PPP1R3G: variants seen among roughly 807,000 people sequenced by gnomAD.
The protein encoded by PPP1R3G is protein phosphatase 1, regulatory (inhibitor) subunit 3G.
Under a neutral mutation model 2.0 loss-of-function variants are expected in PPP1R3G, and 3 were observed. The ratio of observed to expected loss-of-function variants is 1.47; its 90% CI spans 0.67 to 3.81. PPP1R3G has a LOEUF of 3.81. PPP1R3G is among the 30% of genes most tolerant of loss of function. The pLI is 0.02. For missense variants in PPP1R3G, 595 were observed against 517.0 expected (o/e 1.15, Z -1.46); for synonymous variants, 267 against 250.9 (o/e 1.06, Z -0.61).
Position 5,086,681 on chromosome 6 carries a change from G to C in PPP1R3G, c.*119G>C, listed in dbSNP as rs1762042940. The stretch of plus-strand genomic sequence containing the variant: ...GCGTGGCGAGTCTGGCGTGAGGGGC[G>C]CGTGGAGGGAAAGGAGGGAGACTTT... On this transcript the variant is annotated 3_prime_UTR_variant, in exon 1 of 1. Coordinates refer to ENST00000405617, the MANE Select transcript of PPP1R3G (RefSeq NM_001145115.3). The C allele has an allele frequency of 3.6e-6, 3 of 824,492 alleles. No individual in the cohort carries two copies. Among genetic ancestry groups the C allele is most frequent in the Non-Finnish European group, 5.5e-6 (3 of 542,036 alleles). 51.1% of individuals were successfully genotyped at this position (824,492 alleles called of 1,614,324 possible). A position where few individuals can be genotyped will look rare whatever the true frequency, so the allele number is the denominator to read the frequency against.
rs979606514 is a variant in PPP1R3G at position 5,088,013 on chromosome 6, T to C, written c.*1451T>C. 6.6e-6 allele frequency: 1 copy of C among 152,194 alleles called. No individual in the cohort carries two copies. The highest frequency in any genetic ancestry group is 2.4e-5 in the African/African-American group (1 of 41,438). The allele number at this position is 152,194 out of a possible 1,614,324, so 9.4% of individuals were successfully genotyped here. A position where few individuals can be genotyped will look rare whatever the true frequency, so the allele number is the denominator to read the frequency against. ...GCTGGGCATACGTACATTTGGCCCA[T>C]GGGCCAAATTTGGCACACAGCTTAT... On this transcript the variant is annotated 3_prime_UTR_variant, in exon 1 of 1. Transcript: ENST00000405617.
rs1326896385 is a variant in PPP1R3G at position 5,087,179 on chromosome 6, T to C, written c.*617T>C. 6.6e-6 allele frequency: 1 copy of C among 152,220 alleles called. No individual in the cohort carries two copies. The highest frequency in any genetic ancestry group is 1.5e-5 in the Non-Finnish European group (1 of 68,114). 9.4% of individuals were successfully genotyped at this position (152,220 alleles called of 1,614,324 possible). A position where few individuals can be genotyped will look rare whatever the true frequency, so the allele number is the denominator to read the frequency against. On this transcript the variant is annotated 3_prime_UTR_variant, in exon 1 of 1. Transcript: ENST00000405617. ...TGACGTTGTTTATTGTGCGACATTG[T>C]GTACAAATGTCCTTTATAAAAGTAA...
chr6:5,086,310 GCAGC>G lies in PPP1R3G; in HGVS notation c.829_832del (p.Pro277ArgfsTer94). ...TGCAGCCCGAGCCGCTGGAGCCACAGCAGCCAGAGGCACCGTCTGGGGCCTCCGA... is the reference window on the plus strand; with the variant it reads ...TGCAGCCCGAGCCGCTGGAGCCACAGCAGAGGCACCGTCTGGGGCCTCCGA... On this transcript the variant is annotated frameshift_variant, in exon 1 of 1. Coordinates refer to ENST00000405617, the MANE Select transcript of PPP1R3G (RefSeq NM_001145115.3). LOFTEE classifies it low-confidence loss of function (END_TRUNC). 6.5e-7 allele frequency: 1 copy of G among 1,535,716 alleles called. No individual in the cohort carries two copies. The highest frequency in any genetic ancestry group is 8.7e-7 in the Non-Finnish European group (1 of 1,146,726).
chr6:5,086,329 G>C lies in PPP1R3G; in HGVS notation c.844G>C (p.Gly282Arg). The change falls in exon 1 of 1, where the codon GGG becomes CGG. Residue 282 changes from glycine to arginine, a missense_variant. Transcript: ENST00000405617. ...LEPQQPEAPS[G>R]ASEPGSGDAK... ...GCCACAGCAGCCAGAGGCACCGTCT[G>C]GGGCCTCCGAGCCAGGGTCCGGGGA... 1 of 1,535,630 alleles carries C rather than the reference G, an allele frequency of 6.5e-7. No individual in the cohort carries two copies. Among genetic ancestry groups the C allele is most frequent in the Non-Finnish European group, 8.7e-7 (1 of 1,146,576 alleles).
In PPP1R3G at chr6:5,085,687, C is replaced by A; in HGVS notation, c.202C>A (p.Gln68Lys). 1.3e-6 allele frequency: 2 copies of A among 1,548,132 alleles called. No homozygotes were observed. Among genetic ancestry groups the A allele is most frequent in the South Asian group, 1.2e-5 (1 of 83,946 alleles). ...PLSPKEEAAP[Q>K]EQEELLECRR... ...GTCCCCGAAGGAAGAGGCCGCCCCCCAGGAGCAGGAGGAGCTGCTGGAATG... is the reference window on the plus strand; with the variant it reads ...GTCCCCGAAGGAAGAGGCCGCCCCCAAGGAGCAGGAGGAGCTGCTGGAATG... The change falls in exon 1 of 1, where the codon CAG becomes AAG. Residue 68 changes from glutamine (Q) to lysine (K), a missense_variant. By Grantham distance (53) the Gln-to-Lys change is moderately conservative. Coordinates refer to ENST00000405617, the MANE Select transcript of PPP1R3G (RefSeq NM_001145115.3).
Position 5,086,349 on chromosome 6 carries a change from C to T in PPP1R3G, c.864C>T (p.Ser288=), listed in dbSNP as rs1376370696. The change falls in exon 1 of 1, where the codon TCC becomes TCT. Residue 288 remains serine, a synonymous_variant. Coordinates refer to ENST00000405617, the MANE Select transcript of PPP1R3G (RefSeq NM_001145115.3). Reference sequence around the variant, plus strand: ...CGTCTGGGGCCTCCGAGCCAGGGTCCGGGGATGCCAAGAAAGAGCCAGGCG... The same window carrying T: ...CGTCTGGGGCCTCCGAGCCAGGGTCTGGGGATGCCAAGAAAGAGCCAGGCG... ...EAPSGASEPG[S]GDAKKEPGAE... is the part of the protein sequence containing the mutation. 4 of 1,535,902 alleles carry T rather than the reference C, an allele frequency of 2.6e-6. No homozygotes were observed. The highest frequency in any genetic ancestry group is 2.4e-5 in the South Asian group (2 of 84,058).
Position 5,085,386 on chromosome 6 carries a change from C to A in PPP1R3G, c.-100C>A, listed in dbSNP as rs1761956046. On this transcript the variant is annotated 5_prime_UTR_variant, in exon 1 of 1. Transcript: ENST00000405617. ...GGCGACTCGCCTCGGGGAGGGCGAG[C>A]CTGAACTGCAGCCCTGCGCTCCTTC... 2.3e-5 allele frequency: 20 copies of A among 861,580 alleles called. No individual in the cohort carries two copies. The highest frequency in any genetic ancestry group is 3.3e-5 in the Non-Finnish European group (19 of 575,580). 53.4% of individuals were successfully genotyped at this position (861,580 alleles called of 1,614,324 possible).
In PPP1R3G at chr6:5,086,096, C is replaced by T; in HGVS notation, c.611C>T (p.Pro204Leu). Residue 204 changes from proline to leucine, a missense_variant, in exon 1 of 1, where the codon CCG (proline) becomes CTG (leucine). Pro to Leu is a moderately conservative substitution (Grantham distance 98, BLOSUM62 -3). Coordinates refer to ENST00000405617, the MANE Select transcript of PPP1R3G (RefSeq NM_001145115.3). Reference protein sequence around the residue: ...PSRLRPLFQLPGPSAAAERLQ... With the variant: ...PSRLRPLFQLLGPSAAAERLQ... ...CGGCTCCGGCCGCTCTTCCAGCTCC[C>T]GGGGCCGAGCGCCGCGGCCGAGCGT... is the stretch of plus-strand genomic sequence containing the variant. The T allele has an allele frequency of 1.4e-6, 2 of 1,467,108 alleles. No homozygotes were observed. Among genetic ancestry groups the T allele is most frequent in the Non-Finnish European group, 1.8e-6 (2 of 1,118,500 alleles). The allele number at this position is 1,467,108 out of a possible 1,614,324, so 90.9% of individuals were successfully genotyped here.
In PPP1R3G at chr6:5,088,918, T is replaced by C. The variant is rs1044753693; in HGVS notation, c.*2356T>C. The C allele has an allele frequency of 1.6e-4, 25 of 152,222 alleles. No individual in the cohort carries two copies. The highest frequency in any genetic ancestry group is 5.8e-4 in the African/African-American group (24 of 41,460). 9.4% of individuals were successfully genotyped at this position (152,222 alleles called of 1,614,324 possible). ...AACTGAAACATAGCACCCGTTTGAATTGGCTTCAAACTACAAAGCTGCCAG... is the reference window on the plus strand; with the variant it reads ...AACTGAAACATAGCACCCGTTTGAACTGGCTTCAAACTACAAAGCTGCCAG... On this transcript the variant is annotated 3_prime_UTR_variant, in exon 1 of 1. Coordinates refer to ENST00000405617, the MANE Select transcript of PPP1R3G (RefSeq NM_001145115.3).
chr6:5,085,485 C>T lies in PPP1R3G; in HGVS notation c.-1C>T. ...GAGCAAGTCCAGGGGCGAACGGCGT[C>T]ATGGAGCCCATAGGGGCGCGGCTAA... On this transcript the variant is annotated 5_prime_UTR_variant, in exon 1 of 1. Transcript: ENST00000405617. 6.5e-7 allele frequency: 1 copy of T among 1,532,900 alleles called. No homozygotes were observed. Among genetic ancestry groups the T allele is most frequent in the Non-Finnish European group, 8.7e-7 (1 of 1,144,190 alleles). 95.0% of individuals were successfully genotyped at this position (1,532,900 alleles called of 1,614,324 possible).
rs758819492 is a variant in PPP1R3G at position 5,085,541 on chromosome 6, G to C, written c.56G>C (p.Arg19Pro). Residue 19 changes from arginine to proline, a missense_variant, in exon 1 of 1, where the codon CGA becomes CCA. By Grantham distance (103) the Arg-to-Pro change is moderately radical. Transcript: ENST00000405617. ...SLEAPGPAPFREAPPAEELPA... is the reference protein window; with the variant it reads ...SLEAPGPAPFPEAPPAEELPA... The stretch of plus-strand genomic sequence containing the variant: ...GAGGCGCCGGGACCAGCGCCCTTCC[G>C]AGAGGCCCCGCCGGCCGAGGAGCTG... The C allele has an allele frequency of 1.3e-6, 2 of 1,540,266 alleles. No individual in the cohort carries two copies. Among genetic ancestry groups the C allele is most frequent in the South Asian group, 2.4e-5 (2 of 83,842 alleles).
rs1191037076 is a variant in PPP1R3G, at chr6:5,085,668, G to A, written c.183G>A (p.Pro61=). The A allele has an allele frequency of 3.6e-5, 56 of 1,548,350 alleles. No individual in the cohort carries two copies. The highest frequency in any genetic ancestry group is 4.8e-5 in the Non-Finnish European group (55 of 1,146,394). ...DAQLGDRPLS[P]KEEAAPQEQE... ...AGCTAGGGGATAGGCCCCTGTCCCC[G>A]AAGGAAGAGGCCGCCCCCCAGGAGC... is the stretch of plus-strand genomic sequence containing the variant. The change falls in exon 1 of 1, where the codon CCG becomes CCA. Residue 61 remains proline, a synonymous_variant. Coordinates refer to ENST00000405617, the MANE Select transcript of PPP1R3G (RefSeq NM_001145115.3).
In PPP1R3G at chr6:5,086,307, A is replaced by G. The variant is rs919308978; in HGVS notation, c.822A>G (p.Pro274=). The change falls in exon 1 of 1, where the codon CCA becomes CCG. Residue 274 remains proline, a synonymous_variant. Transcript: ENST00000405617. ...AGCTGCAGCCCGAGCCGCTGGAGCC[A>G]CAGCAGCCAGAGGCACCGTCTGGGG... ...PAELQPEPLE[P]QQPEAPSGAS... The G allele has an allele frequency of 9.1e-6, 14 of 1,535,530 alleles. No homozygotes were observed. In the African/African-American group the frequency reaches 9.6e-5, roughly 11 times the overall value.
chr6:5,086,583 C>A lies in PPP1R3G; in HGVS notation c.*21C>A. 1 of 1,477,578 alleles carries A rather than the reference C, an allele frequency of 6.8e-7. No homozygotes were observed. The highest frequency in any genetic ancestry group is 9.0e-7 in the Non-Finnish European group (1 of 1,112,302). 91.5% of individuals were successfully genotyped at this position (1,477,578 alleles called of 1,614,324 possible). On this transcript the variant is annotated 3_prime_UTR_variant, in exon 1 of 1. Coordinates refer to ENST00000405617, the MANE Select transcript of PPP1R3G (RefSeq NM_001145115.3). ...TCTGAGCCTGGAGAGTTTCGAAGAG[C>A]CGTGGGGCGGGGTTGATTAGCACGT...
chr6:5,085,888 G>T lies in PPP1R3G; in HGVS notation c.403G>T (p.Ala135Ser). 6.5e-7 allele frequency: 1 copy of T among 1,531,384 alleles called. No homozygotes were observed. The highest frequency in any genetic ancestry group is 8.7e-7 in the Non-Finnish European group (1 of 1,144,520). The allele number at this position is 1,531,384 out of a possible 1,614,324, so 94.9% of individuals were successfully genotyped here. ...CAAGTGCAAGAAGCGGGTGCAGTTC[G>T]CGGACACGCTGGGGCTAAGCCTGGC... ...CAKCKKRVQF[A>S]DTLGLSLASV... is the part of the protein sequence containing the mutation. Residue 135 changes from alanine to serine, a missense_variant, in exon 1 of 1, where the codon GCG becomes TCG. Physicochemically the swap from Ala to Ser is moderately conservative, Grantham distance 99. Coordinates refer to ENST00000405617, the MANE Select transcript of PPP1R3G (RefSeq NM_001145115.3).
chr6:5,086,479 C>G lies in PPP1R3G; in HGVS notation c.994C>G (p.Arg332Gly). 6.5e-7 allele frequency: 1 copy of G among 1,537,338 alleles called. No individual in the cohort carries two copies. Among genetic ancestry groups the G allele is most frequent in the Non-Finnish European group, 8.7e-7 (1 of 1,146,574 alleles). ...CGCGGTCCACTTCGCTGTCTGCTACCGCTGCGCGCAGGGCGAGTACTGGGA... is the reference window on the plus strand; with the variant it reads ...CGCGGTCCACTTCGCTGTCTGCTACGGCTGCGCGCAGGGCGAGTACTGGGA... ...GVAVHFAVCY[R>G]CAQGEYWDNN... is the part of the protein sequence containing the mutation. Residue 332 changes from arginine (R) to glycine (G), a missense_variant, in exon 1 of 1, where the codon CGC becomes GGC. Coordinates refer to ENST00000405617, the MANE Select transcript of PPP1R3G (RefSeq NM_001145115.3).
rs751891299 is a variant in PPP1R3G at position 5,085,574 on chromosome 6, C to G, written c.89C>G (p.Pro30Arg). The change falls in exon 1 of 1, where the codon CCG (proline) becomes CGG (arginine). Residue 30 changes from proline (P) to arginine (R), a missense_variant. Pro to Arg is a moderately radical substitution (Grantham distance 103). Transcript: ENST00000405617. ...EAPPAEELPA[P>R]VVPCVQGGGD... ...CCGCCGGCCGAGGAGCTGCCCGCCCCGGTGGTCCCCTGTGTGCAGGGTGGC... is the reference window on the plus strand; with the variant it reads ...CCGCCGGCCGAGGAGCTGCCCGCCCGGGTGGTCCCCTGTGTGCAGGGTGGC... 1.1e-4 allele frequency: 167 copies of G among 1,543,940 alleles called. No homozygotes were observed. Among genetic ancestry groups the G allele is most frequent in the Non-Finnish European group, 2.8e-5 (32 of 1,146,154 alleles).
At position 5,085,717 on chromosome 6, in the gene PPP1R3G, C is replaced by CGCCGCT. The variant is rs1214756377; in HGVS notation, c.238_243dup (p.Cys80_Arg81dup). The CGCCGCT allele has an allele frequency of 6.7e-5, 103 of 1,546,032 alleles. No individual in the cohort carries two copies. The Admixed American group carries it at 2.0e-3, about 30-fold the overall frequency. On this transcript the variant is annotated inframe_insertion, in exon 1 of 1. Coordinates refer to ENST00000405617, the MANE Select transcript of PPP1R3G (RefSeq NM_001145115.3). ...GCAGGAGGAGCTGCTGGAATGCCGC[C>CGCCGCT]GCCGCTGCCGCGCGCGCTCCTTTTC...
rs942655679 is a variant in PPP1R3G, at chr6:5,088,058, T to G, written c.*1496T>G. ...GCTTATTCTTGTAGGGCCTGTGACC[T>G]AAGAATAGTTTTTACATTTTTATTT... On this transcript the variant is annotated 3_prime_UTR_variant, in exon 1 of 1. Transcript: ENST00000405617. The G allele has an allele frequency of 1.8e-4, 27 of 152,296 alleles. 1 individual carries two copies. The East Asian group carries it at 4.8e-3, about 27-fold the overall frequency. The allele number at this position is 152,296 out of a possible 1,614,324, so 9.4% of individuals were successfully genotyped here. A position where few individuals can be genotyped will look rare whatever the true frequency, so the allele number is the denominator to read the frequency against.
Sources: allele counts gnomAD v4.1 joint callset, GRCh38; gene constraint gnomAD v4.1.1; transcripts MANE v1.5; gene names NCBI Gene and HGNC (gene_info 2026-07-23, HGNC 2026-07-21).